The following FUT9 variants were observed in gnomAD, a reference collection of about 807,000 sequenced individuals.
FUT9 encodes fucosyltransferase 9, also known as 4-galactosyl-N-acetylglucosaminide 3-alpha-L-fucosyltransferase 9.
A neutral mutation model predicts 29.7 loss-of-function variants in FUT9; 15 were observed. That is an observed-to-expected ratio of 0.51 (90% confidence interval 0.34 to 0.78). The LOEUF (loss-of-function observed/expected upper bound fraction) is 0.78, where lower values mean the gene tolerates loss of function less well. FUT9 is among the 30% of genes least tolerant of loss of function. FUT9 has a pLI of 0.01. For synonymous variants in FUT9, 169 were observed against 153.7 expected, an observed-to-expected ratio of 1.10 and a Z score of -0.74; for missense variants, 319 against 425.4, an observed-to-expected ratio of 0.75 and a Z score of 2.20.
chr6:96,144,799 T>C (rs115845878), intron 2 of FUT9, among the ~76,000 whole-genome samples: 4 of 152,126 alleles, frequency 2.6e-5, no homozygotes, highest in Admixed American at 2.6e-4. Flanking sequence ...CTGAAAGGAA[T>C]CTAAAGAAAA....
At chr6:96,063,051 T>A (rs984730589) in intron 1 of FUT9, among the ~76,000 whole-genome samples, 6 of 152,184 alleles carry the variant, frequency 3.9e-5, no homozygotes, top group African/African-American at 1.4e-4. Flanking sequence ...AACCTCCTCG[T>A]AAATGAACTA....
intron 1 of FUT9, among the ~76,000 whole-genome samples, chr6:96,112,340 T>C (rs775163758): frequency 6.6e-6 from 1 of 152,182 alleles, no homozygotes. Context: ...ATAGACAAAT[T>C]TCTTCATTTA....
At chr6:96,017,496 A>G (rs1008437299) in intron 1 of FUT9, among the ~76,000 whole-genome samples, 1 of 152,222 alleles carries the variant, frequency 6.6e-6, no homozygotes, top group Non-Finnish European at 1.5e-5. Flanking sequence ...GGTCATTTAA[A>G]TAATAAAATT....
At chr6:96,070,338 C>A (rs1429474850) in intron 1 of FUT9, among the ~76,000 whole-genome samples, 4 of 152,042 alleles carry the variant, frequency 2.6e-5, no homozygotes, top group Admixed American at 2.0e-4. Flanking sequence ...ATATTGGGAA[C>A]CTTATAAATG....
At chr6:96,094,086 A>G (rs927616780) in intron 1 of FUT9, among the ~76,000 whole-genome samples, 5 of 152,158 alleles carry the variant, frequency 3.3e-5, no homozygotes, top group African/African-American at 4.8e-5. Flanking sequence ...CAAGTTTTGG[A>G]TACGCTGCAT....
At chr6:96,201,481 A>AT (rs998385486) in intron 2 of FUT9, among the ~76,000 whole-genome samples, 12 of 151,610 alleles carry the variant, frequency 7.9e-5, no homozygotes, top group East Asian at 7.8e-4. Flanking sequence ...TTTCCTTCTT[A>AT]TTTTTTTAGC....
At chr6:96,108,415 CT>C (rs1469486340) in intron 1 of FUT9, among the ~76,000 whole-genome samples, 91 of 152,240 alleles carry the variant, frequency 6.0e-4, no homozygotes, top group African/African-American at 1.8e-3. Context: ...CATTTCTCAT[CT>C]CTAAAACTGG....
At chr6:96,095,730 A>G (rs967681518) in intron 1 of FUT9, among the ~76,000 whole-genome samples, 1 of 152,072 alleles carries the variant, frequency 6.6e-6, no homozygotes, top group African/African-American at 2.4e-5. Context: ...GATTTCATCA[A>G]ATTTCATGTT....
chr6:96,053,830 C>T (rs770034165), intron 1 of FUT9, among the ~76,000 whole-genome samples: 11 of 152,046 alleles, frequency 7.2e-5, no homozygotes, highest in South Asian at 4.2e-4. Context: ...GAAAGCTATT[C>T]GGTATTTGCT....
At chr6:96,046,227 A>G (rs569310477) in intron 1 of FUT9, among the ~76,000 whole-genome samples, 31 of 151,022 alleles carry the variant, frequency 2.1e-4, no homozygotes, top group Non-Finnish European at 4.0e-4. Flanking sequence ...ATATGCACAC[A>G]CACACACACA....
At chr6:96,123,767 C>T (rs1401298893) in intron 2 of FUT9, among the ~76,000 whole-genome samples, 1 of 151,810 alleles carries the variant, frequency 6.6e-6, no homozygotes, top group Non-Finnish European at 1.5e-5. Flanking sequence ...TTCCTAGGAG[C>T]GTGGGGACAT....
chr6:96,040,638 G>T (rs907550693), intron 1 of FUT9, among the ~76,000 whole-genome samples: 1 of 152,110 alleles, frequency 6.6e-6, no homozygotes. Flanking sequence ...ACAGTTCAAA[G>T]AAAAGAGATG....
chr6:96,182,364 T>G (rs1314144367), intron 2 of FUT9, among the ~76,000 whole-genome samples: 2 of 152,110 alleles, frequency 1.3e-5, no homozygotes, highest in Admixed American at 6.6e-5. Flanking sequence ...TCGCTTATTC[T>G]GTGGGTTGTC....
At position 96,207,785 on chromosome 6, in the gene FUT9, A is replaced by G. The variant is rs549516949; in HGVS notation, c.*3550A>G. The G allele has an allele frequency of 6.0e-6, 1 of 167,112 alleles. No homozygotes were observed. Among genetic ancestry groups the G allele is most frequent in the Non-Finnish European group, 1.5e-5 (1 of 68,056 alleles). The allele number at this position is 167,112 out of a possible 1,614,324, so 10.4% of individuals were successfully genotyped here. A position where few individuals can be genotyped will look rare whatever the true frequency, so the allele number is the denominator to read the frequency against. On this transcript the variant is annotated 3_prime_UTR_variant, in exon 3 of 3. Coordinates refer to ENST00000302103, the MANE Select transcript of FUT9 (RefSeq NM_006581.4). ...AAAGCTATTACCTTCAATACTCTAA[A>G]TATTTAAATATTAATTATTGTAGAC...
chr6:96,070,686 CA>C (rs1026642564), intron 1 of FUT9, among the ~76,000 whole-genome samples: 1 of 149,564 alleles, frequency 6.7e-6, no homozygotes, highest in Non-Finnish European at 1.5e-5. Flanking sequence ...AACCCCATCT[CA>C]AAAAAAAATT....
At chr6:96,054,029 C>T (rs1770720017) in intron 1 of FUT9, among the ~76,000 whole-genome samples, 1 of 152,178 alleles carries the variant, frequency 6.6e-6, no homozygotes, top group African/African-American at 2.4e-5. Context: ...CACAGGATGT[C>T]ATAAGGTGTT....
chr6:96,123,391 C>T (rs1772069075), intron 2 of FUT9, among the ~76,000 whole-genome samples: 1 of 152,152 alleles, frequency 6.6e-6, no homozygotes, highest in African/African-American at 2.4e-5. Flanking sequence ...GCAGGGAAGA[C>T]TGCTAATATT....
chr6:96,183,198 T>A (rs2127986493), intron 2 of FUT9, among the ~76,000 whole-genome samples: 1 of 151,850 alleles, frequency 6.6e-6, no homozygotes, highest in East Asian at 1.9e-4. Flanking sequence ...TTTTTTTATT[T>A]TTTGGCAGCT....
chr6:96,038,148 TACA>T (rs1309188098), intron 1 of FUT9, among the ~76,000 whole-genome samples: 3 of 152,098 alleles, frequency 2.0e-5, no homozygotes, highest in Admixed American at 6.6e-5. Context: ...AATATGTAAT[TACA>T]ACACTTTTAG....
Sources: allele counts gnomAD v4.1 joint callset (sites outside exome capture counted in the v4.1 genomes callset), GRCh38; gene constraint gnomAD v4.1.1; transcripts MANE v1.5; gene names NCBI Gene and HGNC (gene_info 2026-07-23, HGNC 2026-07-21).